The following HCFC2 variants were observed in gnomAD, a reference collection of about 807,000 sequenced individuals.
HCFC2 encodes the protein host cell factor C2.
A neutral mutation model predicts 89.2 loss-of-function variants in HCFC2; 18 were observed. That is an observed-to-expected ratio of 0.20 (90% confidence interval 0.14 to 0.30). The LOEUF is 0.30. Ranked by LOEUF, HCFC2 falls within the 10% of genes least tolerant of loss-of-function variation. The pLI, the probability that HCFC2 is intolerant of heterozygous loss-of-function variation, is 1.00. For synonymous variants in HCFC2, 308 were observed against 335.7 expected, an observed-to-expected ratio of 0.92 and a Z score of 0.90; for missense variants, 578 against 956.1, an observed-to-expected ratio of 0.60 and a Z score of 5.21.
intron 10 of HCFC2, among the ~76,000 whole-genome samples, chr12:104,094,634 G>A (rs1368492496): frequency 6.6e-6 from 1 of 152,156 alleles, no homozygotes; most frequent in East Asian, 1.9e-4. Context: ...AATCATTGAT[G>A]TTTGCCAGAA....
At position 104,102,166 on chromosome 12, in the gene HCFC2, G is replaced by T; in HGVS notation, c.2064+13G>T. On this transcript the variant is annotated intron_variant, in intron 14 of 14. Coordinates refer to ENST00000229330, the MANE Select transcript of HCFC2 (RefSeq NM_013320.3). The stretch of plus-strand genomic sequence containing the variant: ...CAGAATTTCAAAGGTGAGACATCGG[G>T]TCAAGACTTGTTGGTGATTTTAAAT... 2.5e-6 allele frequency: 4 copies of T among 1,604,824 alleles called. No homozygotes were observed. Among genetic ancestry groups the T allele is most frequent in the Non-Finnish European group, 3.4e-6 (4 of 1,173,790 alleles).
chr12:104,103,440 A>T lies in HCFC2; in HGVS notation c.*167A>T. ...TTGCTGAATTATAGATCCAAATAAA[A>T]GAAAAGAAGCAAAGACTCTCTGAAA... On this transcript the variant is annotated 3_prime_UTR_variant, in exon 15 of 15. Transcript: ENST00000229330. 1.7e-6 allele frequency: 1 copy of T among 602,114 alleles called. No homozygotes were observed. Among genetic ancestry groups the T allele is most frequent in the Non-Finnish European group, 2.8e-6 (1 of 353,068 alleles). The allele number at this position is 602,114 out of a possible 1,614,324, so 37.3% of individuals were successfully genotyped here.
chr12:104,066,198 A>G lies in HCFC2; in HGVS notation c.195A>G (p.Arg65=), dbSNP rs758758087. The change falls in exon 2 of 15, where the codon AGA becomes AGG. Residue 65 remains arginine (R), a synonymous_variant. Coordinates refer to ENST00000229330, the MANE Select transcript of HCFC2 (RefSeq NM_013320.3). ...ATNQWFLPAV[R]GDIPPGCAAH... ...ATCAGTGGTTTCTGCCAGCTGTTAGAGGAGATATCCCTCCAGGCTGTGCTG... is the reference window on the plus strand; with the variant it reads ...ATCAGTGGTTTCTGCCAGCTGTTAGGGGAGATATCCCTCCAGGCTGTGCTG... The G allele has an allele frequency of 2.5e-6, 4 of 1,613,462 alleles. No homozygotes were observed. The highest frequency in any genetic ancestry group is 2.5e-6 in the Non-Finnish European group (3 of 1,179,824).
At chr12:104,080,194 A>T (rs553885775) in intron 4 of HCFC2, among the ~76,000 whole-genome samples, 1 of 152,334 alleles carries the variant, frequency 6.6e-6, no homozygotes, top group Admixed American at 6.5e-5. Context: ...TTAATTCACA[A>T]TTGGTGGCAC....
chr12:104,071,466 C>T (rs1052272357), intron 3 of HCFC2, among the ~76,000 whole-genome samples: 4 of 152,250 alleles, frequency 2.6e-5, no homozygotes, highest in African/African-American at 9.7e-5. Context: ...TTCCATTGGT[C>T]AAACCAGCCA....
chr12:104,097,385 T>C (rs1247697184), intron 12 of HCFC2, among the ~76,000 whole-genome samples: 1 of 152,188 alleles, frequency 6.6e-6, no homozygotes, highest in African/African-American at 2.4e-5. Flanking sequence ...TGTTTTGCCA[T>C]GCATCAGCCA....
chr12:104,068,497 C>T lies in HCFC2; in HGVS notation c.473+390C>T, dbSNP rs952654134. On this transcript the variant is annotated intron_variant, in intron 3 of 14. Coordinates refer to ENST00000229330, the MANE Select transcript of HCFC2 (RefSeq NM_013320.3). The surrounding 1 kb of genome is among the most constrained non-coding windows in gnomAD (Gnocchi z 4.1). ...AAATTAGATTTCTCTGGGAATTTGG[C>T]GACAAAACTCTGACTATAAAATGAA... Among the ~76,000 whole-genome samples the T allele has an allele frequency of 2.0e-5, 3 of 152,026 alleles. No homozygotes were observed. The highest frequency in any genetic ancestry group is 2.1e-4 in the South Asian group (1 of 4,824).
intron 3 of HCFC2, among the ~76,000 whole-genome samples, chr12:104,074,805 A>AT (rs1214777503): frequency 6.6e-6 from 1 of 152,172 alleles, no homozygotes; most frequent in African/African-American, 2.4e-5. Flanking sequence ...GGATTATGTT[A>AT]TCCTTGAAAA....
intron 7 of HCFC2, among the ~76,000 whole-genome samples, chr12:104,083,561 TAGTTG>T (rs1883745783): frequency 6.6e-6 from 1 of 152,190 alleles, no homozygotes; most frequent in African/African-American, 2.4e-5. Context: ...GAGTTGTCTA[TAGTTG>T]AGTTAATAGT....
Position 104,095,249 on chromosome 12 carries a change from C to T in HCFC2, c.1463-111C>T, listed in dbSNP as rs1283408828. ...TCATACTAATACCATTTGTGGTGCT[C>T]ATGTATGATTTTAAAACTGAAAGTA... is the stretch of plus-strand genomic sequence containing the variant. On this transcript the variant is annotated intron_variant, in intron 10 of 14. Coordinates refer to ENST00000229330, the MANE Select transcript of HCFC2 (RefSeq NM_013320.3). The surrounding 1 kb of genome is among the most constrained non-coding windows in gnomAD (Gnocchi z 4.2). 2.6e-6 allele frequency: 2 copies of T among 757,864 alleles called. No individual in the cohort carries two copies. The highest frequency in any genetic ancestry group is 1.8e-5 in the African/African-American group (1 of 56,906). 46.9% of individuals were successfully genotyped at this position (757,864 alleles called of 1,614,324 possible). A position where few individuals can be genotyped will look rare whatever the true frequency, so the allele number is the denominator to read the frequency against.
In HCFC2 at chr12:104,068,855, G is replaced by GT. The variant is rs564733948; in HGVS notation, c.473+759dup. Among the ~76,000 whole-genome samples, 99 of 145,394 alleles carry GT rather than the reference G, an allele frequency of 6.8e-4. No individual in the cohort carries two copies. Among genetic ancestry groups the GT allele is most frequent in the Admixed American group, 6.8e-4 (10 of 14,604 alleles). On this transcript the variant is annotated intron_variant, in intron 3 of 14. Coordinates refer to ENST00000229330, the MANE Select transcript of HCFC2 (RefSeq NM_013320.3). The surrounding 1 kb of genome is among the most constrained non-coding windows in gnomAD (Gnocchi z 4.1). ...TTGGGGAACTATACTGTTCCATGTA[G>GT]TTTTTTTTTTTAATAAATTTTATTT...
At chr12:104,091,115 A>G (rs1463825949) in intron 9 of HCFC2, among the ~76,000 whole-genome samples, 1 of 152,144 alleles carries the variant, frequency 6.6e-6, no homozygotes, top group African/African-American at 2.4e-5. Flanking sequence ...TCCTATTTTC[A>G]GTAGGGGTGC....
intron 3 of HCFC2, among the ~76,000 whole-genome samples, chr12:104,070,380 A>G (rs772512613): frequency 2.6e-5 from 4 of 152,168 alleles, no homozygotes; most frequent in African/African-American, 4.8e-5. Flanking sequence ...AGCCCGAATA[A>G]TATTCACATA....
At chr12:104,071,616 C>G (rs750151147) in intron 3 of HCFC2, among the ~76,000 whole-genome samples, 1 of 152,208 alleles carries the variant, frequency 6.6e-6, no homozygotes, top group Non-Finnish European at 1.5e-5. Context: ...GAGAAAGGGT[C>G]TCACTCTGTT....
intron 7 of HCFC2, among the ~76,000 whole-genome samples, chr12:104,083,132 A>C (rs1399531947): frequency 6.6e-6 from 1 of 152,186 alleles, no homozygotes; most frequent in Non-Finnish European, 1.5e-5. Context: ...ATGGAAAGGG[A>C]AAATAGTAGC....
intron 1 of HCFC2, chr12:104,065,177 G>T (rs560392721): frequency 6.5e-6 from 1 of 153,004 alleles, no homozygotes; most frequent in Non-Finnish European, 1.5e-5. Context: ...AAAACGAGAG[G>T]CCTTCTGGCA....
intron 5 of HCFC2, among the ~76,000 whole-genome samples, chr12:104,081,118 T>G (rs192586694): frequency 6.6e-6 from 1 of 152,344 alleles, no homozygotes; most frequent in Admixed American, 6.5e-5. Context: ...CCTAACTCAC[T>G]TTTCCTTTTT....
intron 3 of HCFC2, among the ~76,000 whole-genome samples, chr12:104,072,995 A>C (rs891393684): frequency 6.6e-6 from 1 of 151,796 alleles, no homozygotes; most frequent in African/African-American, 2.4e-5. Flanking sequence ...GTATATAGAA[A>C]CACAACCTTG....
intron 3 of HCFC2, among the ~76,000 whole-genome samples, chr12:104,075,456 CCT>C (rs1491245332): frequency 1.1e-5 from 1 of 87,908 alleles, no homozygotes; most frequent in Non-Finnish European, 2.3e-5. Context: ...TTGTTCCTAA[CCT>C]TTTTTTTTTT....
Sources: allele counts gnomAD v4.1 joint callset (sites outside exome capture counted in the v4.1 genomes callset), GRCh38; gene constraint gnomAD v4.1.1; non-coding constraint Gnocchi (gnomAD v3.1); transcripts MANE v1.5; gene names NCBI Gene and HGNC (gene_info 2026-07-23, HGNC 2026-07-21).